The following BCHE variants were observed in gnomAD, a reference collection of about 807,000 sequenced individuals.
BCHE encodes the protein butyrylcholinesterase, also known as cholinesterase.
A neutral mutation model predicts 51.3 loss-of-function variants in BCHE; 48 were observed. That is an observed-to-expected ratio of 0.94 (90% CI 0.74 to 1.19). The LOEUF (loss-of-function observed/expected upper bound fraction) is 1.19, where lower values mean the gene tolerates loss of function less well. Ranked by LOEUF, BCHE falls within the 50% of genes most tolerant of loss-of-function variation. The pLI, the probability that BCHE is intolerant of heterozygous loss-of-function variation, is 0.00. For synonymous variants in BCHE, 251 were observed against 238.0 expected (o/e 1.05, Z -0.50); for missense variants, 847 against 708.2 (o/e 1.20, Z -2.23).
At chr3:165,804,340 A>G (rs1713789695) in intron 2 of BCHE, among the ~76,000 whole-genome samples, 1 of 152,210 alleles carries the variant, frequency 6.6e-6, no homozygotes, top group Non-Finnish European at 1.5e-5. Flanking sequence ...GAAAGTAGCT[A>G]TTAAACAATG....
intron 2 of BCHE, among the ~76,000 whole-genome samples, chr3:165,821,336 C>A (rs1403407020): frequency 6.6e-6 from 1 of 151,356 alleles, no homozygotes; most frequent in African/African-American, 2.4e-5. Context: ...AATTCCTATA[C>A]AGACATTTAG....
At chr3:165,832,062 G>A (rs533412700) in intron 1 of BCHE, among the ~76,000 whole-genome samples, 27 of 152,026 alleles carry the variant, frequency 1.8e-4, no homozygotes, top group African/African-American at 6.3e-4. Flanking sequence ...AGAAACTATT[G>A]GGCCACATGG....
rs375937890 is a variant in BCHE at position 165,827,228 on chromosome 3, A to G, written c.1517+2289T>C. On this transcript the variant is annotated intron_variant, in intron 2 of 3. Coordinates refer to ENST00000264381, the MANE Select transcript of BCHE (RefSeq NM_000055.4). ...TATGCTTGACATCAAATCAACCCTTAACACAAATATATAATGTTATTATCT... is the reference window on the plus strand; with the variant it reads ...TATGCTTGACATCAAATCAACCCTTGACACAAATATATAATGTTATTATCT... Among the ~76,000 whole-genome samples, 63 of 152,190 alleles carry G rather than the reference A, an allele frequency of 4.1e-4. No individual in the cohort carries two copies. The South Asian group carries it at 0.012, about 30-fold the overall frequency.
chr3:165,801,480 A>G (rs1037818295), intron 2 of BCHE, among the ~76,000 whole-genome samples: 1 of 152,184 alleles, frequency 6.6e-6, no homozygotes. Flanking sequence ...GTTATGATCA[A>G]ATTTGTTTTT....
intron 2 of BCHE, among the ~76,000 whole-genome samples, chr3:165,811,893 T>C (rs1289491943): frequency 6.6e-6 from 1 of 151,966 alleles, no homozygotes; most frequent in African/African-American, 2.4e-5. Context: ...TCAGAAAGAC[T>C]TGGATACAGA....
intron 3 of BCHE, 79 bp from the exon 4 acceptor site, chr3:165,773,585 GCCA>G (rs1712343279): frequency 7.6e-7 from 1 of 1,317,124 alleles, no homozygotes; most frequent in Non-Finnish European, 1.1e-6. Context: ...GAATACAAAA[GCCA>G]TTTTCTCTAA....
At chr3:165,800,753 G>GTTTGTTT (rs1257842894) in intron 2 of BCHE, among the ~76,000 whole-genome samples, 2 of 152,040 alleles carry the variant, frequency 1.3e-5, no homozygotes, top group Non-Finnish European at 2.9e-5. Flanking sequence ...TCAGGAAGCT[G>GTTTGTTT]TTTGTTAGTC....
At chr3:165,781,826 G>T (rs1712717189) in intron 3 of BCHE, among the ~76,000 whole-genome samples, 1 of 152,038 alleles carries the variant, frequency 6.6e-6, no homozygotes. Context: ...AAATCTGGCA[G>T]ATTATAAATT....
intron 1 of BCHE, among the ~76,000 whole-genome samples, chr3:165,835,010 T>C (rs1449884254): frequency 6.6e-6 from 1 of 151,864 alleles, no homozygotes; most frequent in African/African-American, 2.4e-5. Context: ...GTATTTAATA[T>C]TGGAAATAAA....
chr3:165,779,849 A>G (rs749173902), intron 3 of BCHE, among the ~76,000 whole-genome samples: 9 of 152,208 alleles, frequency 5.9e-5, no homozygotes, highest in Non-Finnish European at 1.2e-4. Flanking sequence ...AAATTAATTT[A>G]TAGATTCAAT....
chr3:165,835,186 G>C (rs1040620037), intron 1 of BCHE, among the ~76,000 whole-genome samples: 2 of 76,296 alleles, frequency 2.6e-5, no homozygotes, highest in African/African-American at 8.4e-5. Flanking sequence ...AAATAAAAAA[G>C]GTGACAAATC....
intron 3 of BCHE, 30 bp from the exon 4 acceptor site, chr3:165,773,536 C>A (rs1278017385): frequency 1.3e-6 from 2 of 1,579,734 alleles, no homozygotes; most frequent in South Asian, 1.1e-5. Flanking sequence ...TTGTATTAAT[C>A]AAAATTTTTA....
In BCHE at chr3:165,837,350, G is replaced by A; in HGVS notation, c.-45C>T. 2.3e-6 allele frequency: 3 copies of A among 1,289,724 alleles called. No individual in the cohort carries two copies. Among genetic ancestry groups the A allele is most frequent in the South Asian group, 1.2e-5 (1 of 81,032 alleles). The allele number at this position is 1,289,724 out of a possible 1,614,324, so 79.9% of individuals were successfully genotyped here. ...CAACAAAGATGGCAAAGTTTGCAAG[G>A]AGTGAAAATCATGTAATACTTCGGG... is the stretch of plus-strand genomic sequence containing the variant. On this transcript the variant is annotated 5_prime_UTR_variant, in exon 1 of 4. Coordinates refer to ENST00000264381, the MANE Select transcript of BCHE (RefSeq NM_000055.4).
At chr3:165,780,567 A>G (rs1424636081) in intron 3 of BCHE, among the ~76,000 whole-genome samples, 5 of 152,212 alleles carry the variant, frequency 3.3e-5, no homozygotes, top group Non-Finnish European at 7.3e-5. Flanking sequence ...TTTATAAGAG[A>G]AAAGCAAACA....
chr3:165,811,714 A>T (rs1380398048), intron 2 of BCHE, among the ~76,000 whole-genome samples: 3 of 152,094 alleles, frequency 2.0e-5, no homozygotes, highest in Admixed American at 2.0e-4. Flanking sequence ...TAGTGTACAC[A>T]GATAACCATA....
At chr3:165,834,788 T>C (rs917326393) in intron 1 of BCHE, among the ~76,000 whole-genome samples, 1 of 151,826 alleles carries the variant, frequency 6.6e-6, no homozygotes, top group South Asian at 2.1e-4. Context: ...TTCTTTTTTT[T>C]AATTTTATTA....
intron 1 of BCHE, among the ~76,000 whole-genome samples, chr3:165,832,547 C>A (rs1203095992): frequency 3.3e-5 from 5 of 152,112 alleles, no homozygotes; most frequent in African/African-American, 9.7e-5. Context: ...TTACCTCGGC[C>A]TCCCAAAGAG....
intron 2 of BCHE, among the ~76,000 whole-genome samples, chr3:165,798,390 A>C (rs149131665): frequency 6.6e-6 from 1 of 152,150 alleles, no homozygotes; most frequent in Non-Finnish European, 1.5e-5. Context: ...TTTAAGAAGA[A>C]TATACTTTAA....
At chr3:165,798,083 G>GT (rs1030110451) in intron 2 of BCHE, among the ~76,000 whole-genome samples, 1 of 152,094 alleles carries the variant, frequency 6.6e-6, no homozygotes, top group African/African-American at 2.4e-5. Flanking sequence ...CAACATGTCT[G>GT]TTTTTTTGAC....
Sources: gnomAD v4.1 joint callset for allele counts (sites outside exome capture counted in the v4.1 genomes callset) on GRCh38, gnomAD v4.1.1 for gene constraint, MANE v1.5 for transcripts, NCBI Gene and HGNC (gene_info 2026-07-23, HGNC 2026-07-21) for gene names.